Variants in ATL1 observed in about 807,000 individuals in gnomAD.
ATL1 encodes the protein atlastin GTPase 1.
A neutral mutation model predicts 75.5 loss-of-function variants in ATL1; 31 were observed. That is an observed-to-expected ratio of 0.41 (90% CI 0.31 to 0.55). The LOEUF (loss-of-function observed/expected upper bound fraction) is 0.55. Among genes scored for constraint, ATL1 ranks in the 20% least tolerant of loss-of-function variants. The pLI, the probability that ATL1 is intolerant of heterozygous loss-of-function variation, is 0.27. For synonymous variants in ATL1, 226 were observed against 233.3 expected, an observed-to-expected ratio of 0.97 and a Z score of 0.28; for missense variants, 405 against 662.6, an observed-to-expected ratio of 0.61 and a Z score of 4.27.
At chr14:50,620,471 T>A in intron 8 of ATL1, 128 bp from the exon 9 acceptor site, 2 of 995,532 alleles carry the variant, frequency 2.0e-6, no homozygotes, top group Non-Finnish European at 2.9e-6. Context: ...GTCGCTTAAA[T>A]GATGGGGAAG....
intron 6 of ATL1, among the ~76,000 whole-genome samples, chr14:50,598,085 C>A (rs2039238347): frequency 6.6e-6 from 1 of 152,026 alleles, no homozygotes; most frequent in Admixed American, 6.6e-5. Context: ...AAACAAAAAT[C>A]TTTAGTAATT....
intron 1 of ATL1, among the ~76,000 whole-genome samples, chr14:50,584,267 A>G (rs1595595706): frequency 6.6e-6 from 1 of 152,050 alleles, no homozygotes; most frequent in African/African-American, 2.4e-5. Flanking sequence ...AGTCCCATCT[A>G]CTCGGGAGGT....
At chr14:50,610,082 A>G (rs1174321139) in intron 6 of ATL1, among the ~76,000 whole-genome samples, 1 of 152,002 alleles carries the variant, frequency 6.6e-6, no homozygotes. Context: ...CCTCTCTACC[A>G]CATACGCATA....
chr14:50,555,871 A>G (rs1050742143), upstream of ATL1, among the ~76,000 whole-genome samples: 2 of 152,180 alleles, frequency 1.3e-5, no homozygotes, highest in Non-Finnish European at 2.9e-5. Context: ...ATACTTTTCT[A>G]AGATTGCTAT....
At chr14:50,556,354 T>G (rs2038765501), upstream of ATL1, among the ~76,000 whole-genome samples, 1 of 152,158 alleles carries the variant, frequency 6.6e-6, no homozygotes, top group Admixed American at 6.5e-5. Context: ...TAGCTGGGAC[T>G]GCAGGTGCAC....
intron 6 of ATL1, among the ~76,000 whole-genome samples, chr14:50,603,445 A>C (rs2039289308): frequency 6.6e-6 from 1 of 152,214 alleles, no homozygotes; most frequent in Non-Finnish European, 1.5e-5. Context: ...AGTCTGTGCC[A>C]GTTTTAAGTT....
intron 1 of ATL1, among the ~76,000 whole-genome samples, chr14:50,586,830 T>C (rs1350682027): frequency 3.3e-5 from 5 of 152,202 alleles, no homozygotes; most frequent in African/African-American, 7.2e-5. Context: ...TTCTAATAGT[T>C]GTGCTCTTGG....
intron 6 of ATL1, among the ~76,000 whole-genome samples, chr14:50,606,216 G>T (rs2140219997): frequency 6.6e-6 from 1 of 152,030 alleles, no homozygotes; most frequent in Non-Finnish European, 1.5e-5. Context: ...TTTGGTATTT[G>T]TCTCAATATT....
intron 1 of ATL1, among the ~76,000 whole-genome samples, chr14:50,539,230 A>G (rs1387433143): frequency 6.6e-6 from 1 of 152,236 alleles, no homozygotes; most frequent in African/African-American, 2.4e-5. Flanking sequence ...CAGCAGTGAC[A>G]TGAAATGGAG....
chr14:50,592,769 G>C (rs1326187660), intron 4 of ATL1, among the ~76,000 whole-genome samples: 1 of 150,992 alleles, frequency 6.6e-6, no homozygotes, highest in Admixed American at 6.6e-5. Flanking sequence ...AAATTAGCCG[G>C]GCATGGTGGC....
chr14:50,620,868 TAAAAAGCTTTTTCAAAACCTTTC>T, intron 9 of ATL1, 142 bp downstream of exon 9: 2 of 1,060,284 alleles, frequency 1.9e-6, no homozygotes, highest in Non-Finnish European at 1.4e-6. Flanking sequence ...AAATCCTTTC[TAAAAAGCTTTTTCAAAACCTTTC>T]AGAAAGCTTA....
chr14:50,595,860 A>G (rs2039211130), intron 6 of ATL1, among the ~76,000 whole-genome samples: 1 of 150,186 alleles, frequency 6.7e-6, no homozygotes, highest in Non-Finnish European at 1.5e-5. Context: ...TGAATTAGGC[A>G]TTCTGGTTCC....
intron 6 of ATL1, among the ~76,000 whole-genome samples, chr14:50,609,898 TG>T (rs563719856): frequency 5.6e-4 from 86 of 152,214 alleles, no homozygotes; most frequent in African/African-American, 1.9e-3. Context: ...GGATTTTTTT[TG>T]TTCGTGATAC....
At chr14:50,588,405 C>A (rs565621885) in intron 2 of ATL1, among the ~76,000 whole-genome samples, 27 of 152,178 alleles carry the variant, frequency 1.8e-4, no homozygotes, top group African/African-American at 6.5e-4. Context: ...ATTGTAATCA[C>A]TTTTTTCCAA....
At chr14:50,594,282 G>T (rs867018345) in intron 5 of ATL1, among the ~76,000 whole-genome samples, 1 of 152,128 alleles carries the variant, frequency 6.6e-6, no homozygotes, top group Non-Finnish European at 1.5e-5. Context: ...AGAGAACAGC[G>T]TGGGGGAAAC....
At chr14:50,588,192 AC>A in intron 2 of ATL1, 114 bp downstream of exon 2, 2 of 1,323,834 alleles carry the variant, frequency 1.5e-6, no homozygotes, top group Non-Finnish European at 2.1e-6. Context: ...CTATATATGA[AC>A]CAGCTAAAGA....
chr14:50,574,757 A>G (rs2038985011), intron 1 of ATL1, among the ~76,000 whole-genome samples: 1 of 151,736 alleles, frequency 6.6e-6, no homozygotes, highest in Non-Finnish European at 1.5e-5. Flanking sequence ...TAATTTATTT[A>G]CAGTATCCTA....
chr14:50,614,558 A>G, intron 8 of ATL1, 47 bp downstream of exon 8: 1 of 1,593,864 alleles, frequency 6.3e-7, no homozygotes, highest in Non-Finnish European at 8.6e-7. Flanking sequence ...GTCTGATTAT[A>G]AAAATGTCAT....
At chr14:50,599,417 C>A (rs1187942709) in intron 6 of ATL1, among the ~76,000 whole-genome samples, 1 of 152,014 alleles carries the variant, frequency 6.6e-6, no homozygotes, top group African/African-American at 2.4e-5. Context: ...GAGATAATAC[C>A]AATGAAAGCT....
Sources: gnomAD v4.1 joint callset for allele counts (sites outside exome capture counted in the v4.1 genomes callset) on GRCh38, gnomAD v4.1.1 for gene constraint, MANE v1.5 for transcripts, NCBI Gene and HGNC (gene_info 2026-07-23, HGNC 2026-07-21) for gene names.